KIAA1217: variants seen among roughly 807,000 people sequenced by gnomAD.
The protein encoded by KIAA1217 is sickle tail protein homolog.
KIAA1217 carries 88 observed loss-of-function variants against 163.9 expected under a neutral mutation model. The observed-to-expected ratio is 0.54, with a 90% CI of 0.45 to 0.64. KIAA1217 has a LOEUF of 0.64. Among genes scored for constraint, KIAA1217 ranks in the 30% least tolerant of loss-of-function variants. KIAA1217 has a pLI of 0.00. For synonymous variants in KIAA1217, 903 were observed against 923.1 expected (o/e 0.98, Z 0.39); for missense variants, 2,372 against 2,475.0 (o/e 0.96, Z 0.88).
intron 6 of KIAA1217, among the ~76,000 whole-genome samples, chr10:24,485,523 G>A (rs1289415233): frequency 6.6e-6 from 1 of 152,182 alleles, no homozygotes; most frequent in Non-Finnish European, 1.5e-5. Flanking sequence ...TCCTGGCCAT[G>A]ACACTTGAAG....
intron 2 of KIAA1217, among the ~76,000 whole-genome samples, chr10:24,178,976 G>A (rs556260655): frequency 2.0e-5 from 3 of 152,126 alleles, no homozygotes; most frequent in Non-Finnish European, 4.4e-5. Context: ...TTTGCTTAAT[G>A]TAGGGGAGGA....
chr10:24,382,841 TTTC>T lies in KIAA1217; in HGVS notation c.553+1777_553+1779del, dbSNP rs776613637. Reference sequence around the variant, plus strand: ...GATTCAAGAAATTTGTGGTTTTTCTTTTCTTTTTTTTTTTTTTTTTTCTTGAGA... The same window carrying T: ...GATTCAAGAAATTTGTGGTTTTTCTTTTTTTTTTTTTTTTTTTTCTTGAGA... On this transcript the variant is annotated intron_variant, in intron 3 of 20. Coordinates refer to ENST00000376454, the MANE Select transcript of KIAA1217 (RefSeq NM_019590.5). Among the ~76,000 whole-genome samples the T allele has an allele frequency of 4.9e-3, 439 of 89,732 alleles. 12 individuals carry two copies. The African/African-American group carries it at 0.072, about 15-fold the overall frequency. 58.9% of individuals were successfully genotyped at this position (89,732 alleles called of 152,430 possible).
chr10:24,005,783 G>A (rs1470894375), intron 1 of KIAA1217, among the ~76,000 whole-genome samples: 1 of 152,184 alleles, frequency 6.6e-6, no homozygotes, highest in Non-Finnish European at 1.5e-5. Flanking sequence ...TTAGTGTGGT[G>A]AATGGAGAAA....
intron 1 of KIAA1217, among the ~76,000 whole-genome samples, chr10:23,967,899 A>ATGTGTGTGTGTGTGTGTGTG (rs58562978): frequency 7.0e-6 from 1 of 143,842 alleles, no homozygotes; most frequent in East Asian, 2.1e-4. Flanking sequence ...AATATATTAA[A>ATGTGTGTGTGTGTGTGTGTG]TGTGTGTGTG....
intron 5 of KIAA1217, among the ~76,000 whole-genome samples, chr10:24,462,624 C>T (rs1462971492): frequency 6.6e-6 from 1 of 152,158 alleles, no homozygotes; most frequent in Non-Finnish European, 1.5e-5. Context: ...ACATAAGACA[C>T]CTGTTCTATG....
intron 2 of KIAA1217, among the ~76,000 whole-genome samples, chr10:24,012,028 A>T (rs1428110068): frequency 6.6e-6 from 1 of 152,176 alleles, no homozygotes; most frequent in African/African-American, 2.4e-5. Flanking sequence ...AAAGAAAGAA[A>T]CATTTCTACA....
At chr10:24,377,615 G>C (rs986635153) in intron 2 of KIAA1217, among the ~76,000 whole-genome samples, 10 of 152,022 alleles carry the variant, frequency 6.6e-5, no homozygotes, top group Non-Finnish European at 1.2e-4. Flanking sequence ...ATACCACAGA[G>C]AGTAAGATTT....
chr10:23,716,999 C>T (rs905790826), intron 1 of KIAA1217, among the ~76,000 whole-genome samples: 1 of 152,062 alleles, frequency 6.6e-6, no homozygotes, highest in African/African-American at 2.4e-5. Flanking sequence ...TTATATTTCA[C>T]TTATTTTAAG....
At chr10:23,720,024 G>T (rs573816772) in intron 1 of KIAA1217, among the ~76,000 whole-genome samples, 3 of 151,986 alleles carry the variant, frequency 2.0e-5, no homozygotes, top group South Asian at 2.1e-4. Flanking sequence ...TGGGGAGAAG[G>T]GGGGAGGGTG....
chr10:24,324,926 C>T (rs1456352099), intron 2 of KIAA1217, among the ~76,000 whole-genome samples: 1 of 152,068 alleles, frequency 6.6e-6, no homozygotes, highest in Non-Finnish European at 1.5e-5. Flanking sequence ...AAAGCCTGGC[C>T]TTCTTGGGTT....
chr10:24,067,780 G>A (rs978801910), intron 2 of KIAA1217, among the ~76,000 whole-genome samples: 1 of 152,264 alleles, frequency 6.6e-6, no homozygotes, highest in African/African-American at 2.4e-5. Flanking sequence ...TTGAGCTGTG[G>A]TGGGCTCCAC....
At chr10:24,308,261 T>C (rs2042231086) in intron 2 of KIAA1217, among the ~76,000 whole-genome samples, 1 of 152,210 alleles carries the variant, frequency 6.6e-6, no homozygotes, top group Non-Finnish European at 1.5e-5. Flanking sequence ...GAATGGAACC[T>C]GGAAAAGGAA....
chr10:23,772,211 C>A (rs914822948), intron 1 of KIAA1217, among the ~76,000 whole-genome samples: 6 of 152,130 alleles, frequency 3.9e-5, no homozygotes, highest in South Asian at 2.1e-4. Context: ...CACTTGGAGC[C>A]TTTGCCTCAG....
intron 2 of KIAA1217, among the ~76,000 whole-genome samples, chr10:24,253,188 C>G (rs1409820377): frequency 6.6e-6 from 1 of 152,118 alleles, no homozygotes; most frequent in Non-Finnish European, 1.5e-5. Flanking sequence ...TAGTAAGCTT[C>G]AATCAGGATT....
intron 2 of KIAA1217, among the ~76,000 whole-genome samples, chr10:24,301,906 G>T (rs1012253756): frequency 2.0e-5 from 3 of 152,056 alleles, no homozygotes; most frequent in Non-Finnish European, 4.4e-5. Flanking sequence ...TTAGCTGAGC[G>T]TGGTGGCGCC....
intron 8 of KIAA1217, among the ~76,000 whole-genome samples, chr10:24,497,611 T>C (rs1212749093): frequency 2.6e-5 from 4 of 151,820 alleles, no homozygotes; most frequent in Non-Finnish European, 5.9e-5. Context: ...TCCCACATAC[T>C]TGGGAGGCTG....
intron 2 of KIAA1217, among the ~76,000 whole-genome samples, chr10:24,375,634 A>G (rs1042533681): frequency 2.0e-5 from 3 of 152,248 alleles, no homozygotes; most frequent in Non-Finnish European, 4.4e-5. Flanking sequence ...GAATGTCATG[A>G]TTAAATTAAC....
At chr10:23,992,749 C>T (rs115222660) in intron 1 of KIAA1217, among the ~76,000 whole-genome samples, 1,675 of 151,560 alleles carry the variant, frequency 0.011, 31 homozygotes, top group South Asian at 0.039. Context: ...GCCTGTTGGC[C>T]CCTACAAATG....
At chr10:24,011,641 G>A (rs78204045) in intron 2 of KIAA1217, among the ~76,000 whole-genome samples, 12 of 152,106 alleles carry the variant, frequency 7.9e-5, no homozygotes, top group African/African-American at 2.9e-4. Context: ...TGAAGCAAAA[G>A]AAATCAATTA....
Sources: gnomAD v4.1 joint callset for allele counts (sites outside exome capture counted in the v4.1 genomes callset) on GRCh38, gnomAD v4.1.1 for gene constraint, MANE v1.5 for transcripts, NCBI Gene and HGNC (gene_info 2026-07-23, HGNC 2026-07-21) for gene names.